Variants in DHX37 observed in about 807,000 individuals in gnomAD.
The protein encoded by DHX37 is probable ATP-dependent RNA helicase DHX37.
Under a neutral mutation model 134.3 loss-of-function variants are expected in DHX37, and 52 were observed. The ratio of observed to expected loss-of-function variants is 0.39; its 90% CI spans 0.31 to 0.49. The LOEUF (loss-of-function observed/expected upper bound fraction) is 0.49. DHX37 is among the 20% of genes least tolerant of loss of function. DHX37 has a pLI of 0.93. For synonymous variants in DHX37, 634 were observed against 670.7 expected (o/e 0.95, Z 0.85); for missense variants, 1,344 against 1,580.8 (o/e 0.85, Z 2.54).
At chr12:124,954,427 G>A (rs571373649) in intron 18 of DHX37, among the ~76,000 whole-genome samples, 186 of 151,656 alleles carry the variant, frequency 1.2e-3, no homozygotes, top group African/African-American at 4.3e-3. Context: ...ACAGAGTCTC[G>A]CTCTGTCGCC....
chr12:124,985,027 C>T (rs961819259), intron 2 of DHX37, among the ~76,000 whole-genome samples: 2 of 152,068 alleles, frequency 1.3e-5, no homozygotes, highest in Non-Finnish European at 2.9e-5. Context: ...GTGACGCAGC[C>T]ACAAGCCAAG....
chr12:124,972,148 G>A (rs1289554913), intron 7 of DHX37, among the ~76,000 whole-genome samples: 1 of 152,222 alleles, frequency 6.6e-6, no homozygotes, highest in African/African-American at 2.4e-5. Context: ...GGCAGAGCCT[G>A]CACACCACAG....
intron 2 of DHX37, among the ~76,000 whole-genome samples, 165 bp from the exon 3 acceptor site, chr12:124,982,788 C>T (rs147151273): frequency 1.3e-4 from 20 of 152,296 alleles, no homozygotes; most frequent in African/African-American, 4.8e-4. Context: ...TCAACAGACA[C>T]AGCAAGCTGG....
intron 18 of DHX37, among the ~76,000 whole-genome samples, chr12:124,954,979 CAG>C (rs1198304497): frequency 6.6e-6 from 1 of 152,298 alleles, no homozygotes; most frequent in East Asian, 1.9e-4. Flanking sequence ...CTCAGAATGG[CAG>C]AGAGAGATTC....
rs1954728087 is a variant in DHX37 at position 124,980,191 on chromosome 12, T to A, written c.738+299A>T. Among the ~76,000 whole-genome samples, 1 of 152,218 alleles carries A rather than the reference T, an allele frequency of 6.6e-6. No individual in the cohort carries two copies. Among genetic ancestry groups the A allele is most frequent in the African/African-American group, 2.4e-5 (1 of 41,462 alleles). ...TTCACAGCCCAAACTCTTGTCTGGATCGGGGCAGCCCAGGCCAGGCCCGCT... is the reference window on the plus strand; with the variant it reads ...TTCACAGCCCAAACTCTTGTCTGGAACGGGGCAGCCCAGGCCAGGCCCGCT... On this transcript the variant is annotated intron_variant, in intron 4 of 26. Transcript: ENST00000308736. This position sits in a 1 kb window ranked among gnomAD's most constrained non-coding sequence, Gnocchi z 5.3.
At chr12:124,955,512 G>A (rs929983623) in intron 18 of DHX37, among the ~76,000 whole-genome samples, 1 of 152,230 alleles carries the variant, frequency 6.6e-6, no homozygotes, top group African/African-American at 2.4e-5. Flanking sequence ...GTTTCACCAT[G>A]TTGGCCAGGC....
intron 3 of DHX37, among the ~76,000 whole-genome samples, chr12:124,981,571 A>C (rs1954761411): frequency 6.6e-6 from 1 of 152,074 alleles, no homozygotes; most frequent in Non-Finnish European, 1.5e-5. Flanking sequence ...AGTAGCTGAG[A>C]CCACAGGCAT....
Position 124,971,324 on chromosome 12 carries a change from C to T in DHX37, c.1169G>A (p.Arg390His), listed in dbSNP as rs1318354563. ...YTDILIGLLS[R>H]IVTLRAKRNL... is the part of the protein sequence containing the mutation. ...TACCTTAGCCCGGAGAGTCACAATG[C>T]GGGACAGGAGGCCGATGAGGATGTC... Residue 390 changes from arginine to histidine, a missense_variant, in exon 8 of 27, where the codon CGC becomes CAC. By Grantham distance (29) the Arg-to-His change is conservative. Around this residue, in one of 7 missense-constraint regions of DHX37, gnomAD observed 289 missense variants for 323.8 expected, o/e 0.89. Coordinates refer to ENST00000308736, the MANE Select transcript of DHX37 (RefSeq NM_032656.4). 3 of 1,612,980 alleles carry T rather than the reference C, an allele frequency of 1.9e-6. No individual in the cohort carries two copies. Among genetic ancestry groups the T allele is most frequent in the East Asian group, 2.2e-5 (1 of 44,876 alleles).
Position 124,947,229 on chromosome 12 carries a change from G to A in DHX37, c.*573C>T, listed in dbSNP as rs1275416986. The A allele has an allele frequency of 6.6e-6, 1 of 152,374 alleles. No individual in the cohort carries two copies. Among genetic ancestry groups the A allele is most frequent in the Non-Finnish European group, 1.5e-5 (1 of 68,154 alleles). The allele number at this position is 152,374 out of a possible 1,614,324, so 9.4% of individuals were successfully genotyped here. ...AGAGCTGACCACAGGCAGATGAGAT[G>A]CCCACTCCCTGTTGCCATAACACAG... On this transcript the variant is annotated 3_prime_UTR_variant, in exon 27 of 27. Coordinates refer to ENST00000308736, the MANE Select transcript of DHX37 (RefSeq NM_032656.4).
intron 5 of DHX37, among the ~76,000 whole-genome samples, chr12:124,977,065 A>T (rs561277899): frequency 3.7e-4 from 56 of 151,850 alleles, no homozygotes; most frequent in Middle Eastern, 3.4e-3. Flanking sequence ...AAAAAAAGGA[A>T]AAAAGAAAAT....
rs767635185 is a variant in DHX37 at position 124,957,133 on chromosome 12, G to A, written c.2160C>T (p.Val720=). Reference sequence around the variant, plus strand: ...GGGGCGTCGGGAAGGGGAAGTTGATGACCTGGGACACAAGGAGACGTGGCA... The same window carrying A: ...GGGGCGTCGGGAAGGGGAAGTTGATAACCTGGGACACAAGGAGACGTGGCA... ...LQMKALNVEK[V]INFPFPTPPS... is the part of the protein sequence containing the mutation. Residue 720 remains valine, a splice_region_variant and synonymous_variant, in exon 17 of 27, where the codon GTC becomes GTT. Coordinates refer to ENST00000308736, the MANE Select transcript of DHX37 (RefSeq NM_032656.4). The A allele has an allele frequency of 1.3e-6, 2 of 1,496,886 alleles. No individual in the cohort carries two copies. Among genetic ancestry groups the A allele is most frequent in the Admixed American group, 2.4e-5 (1 of 40,984 alleles). The allele number at this position is 1,496,886 out of a possible 1,614,324, so 92.7% of individuals were successfully genotyped here.
intron 20 of DHX37, chr12:124,952,838 C>T (rs1954002111): frequency 6.9e-6 from 2 of 291,828 alleles, no homozygotes; most frequent in South Asian, 3.1e-4. Flanking sequence ...CCTCCCCTAA[C>T]ACCCAGGTGG....
chr12:124,970,885 G>A (rs1047665362), intron 8 of DHX37, among the ~76,000 whole-genome samples: 2 of 152,220 alleles, frequency 1.3e-5, no homozygotes, highest in Non-Finnish European at 2.9e-5. Flanking sequence ...GGGGCAGGGA[G>A]ATGGAGAAAG....
rs1565892834 is a variant in DHX37 at position 124,980,383 on chromosome 12, A to G, written c.738+107T>C. On this transcript the variant is annotated intron_variant, in intron 4 of 26. Coordinates refer to ENST00000308736, the MANE Select transcript of DHX37 (RefSeq NM_032656.4). The surrounding 1 kb of genome is among the most constrained non-coding windows in gnomAD (Gnocchi z 5.3). Reference sequence around the variant, plus strand: ...ACTCTCCCCTTTCCCAGATGGGGACATGGAGGCACAGAGAAGGGATGCCCT... The same window carrying G: ...ACTCTCCCCTTTCCCAGATGGGGACGTGGAGGCACAGAGAAGGGATGCCCT... 1.0e-5 allele frequency: 13 copies of G among 1,242,732 alleles called. No homozygotes were observed. The highest frequency in any genetic ancestry group is 1.4e-5 in the Non-Finnish European group (13 of 910,594). The allele number at this position is 1,242,732 out of a possible 1,614,324, so 77.0% of individuals were successfully genotyped here.
chr12:124,987,159 A>G (rs1954890209), intron 1 of DHX37, among the ~76,000 whole-genome samples: 1 of 152,216 alleles, frequency 6.6e-6, no homozygotes, highest in Non-Finnish European at 1.5e-5. Flanking sequence ...CCTGGCCAAC[A>G]TGGCAAAATC....
chr12:124,962,872 T>A (rs1277579328), intron 15 of DHX37, among the ~76,000 whole-genome samples: 3 of 151,468 alleles, frequency 2.0e-5, no homozygotes, highest in Admixed American at 2.0e-4. Context: ...GGTGAGGACG[T>A]GAAGAAACTG....
intron 2 of DHX37, 141 bp from the exon 3 acceptor site, chr12:124,982,764 A>G (rs879879149): frequency 5.1e-6 from 6 of 1,187,124 alleles, no homozygotes; most frequent in Admixed American, 2.5e-5. Flanking sequence ...CTACTGGTGC[A>G]TGGTGTTCTT....
intron 3 of DHX37, among the ~76,000 whole-genome samples, chr12:124,982,063 C>T (rs11057948): frequency 0.39 from 57,693 of 149,788 alleles, 11,422 homozygotes; most frequent in African/African-American, 0.47. Flanking sequence ...GTGGAGGTTG[C>T]GGTAAGCTGA....
intron 6 of DHX37, among the ~76,000 whole-genome samples, chr12:124,973,272 C>T (rs746021103): frequency 1.3e-5 from 2 of 151,878 alleles, no homozygotes; most frequent in East Asian, 3.9e-4. Flanking sequence ...AAAAATTAGC[C>T]GGGCACCTGC....
Sources: gnomAD v4.1 joint callset for allele counts (sites outside exome capture counted in the v4.1 genomes callset) on GRCh38, gnomAD v4.1.1 for gene constraint, gnomAD v4.1.1 regional missense constraint, Gnocchi (gnomAD v3.1) non-coding constraint, MANE v1.5 for transcripts, NCBI Gene and HGNC (gene_info 2026-07-23, HGNC 2026-07-21) for gene names.